VKORC1L1: variants seen among roughly 807,000 people sequenced by gnomAD.
VKORC1L1 encodes vitamin K epoxide reductase complex subunit 1L1.
Under a neutral mutation model 18.9 loss-of-function variants are expected in VKORC1L1, and 2 were observed. That is an observed-to-expected ratio of 0.11 (90% CI 0.04 to 0.33). The LOEUF (loss-of-function observed/expected upper bound fraction) is 0.33, where lower values mean the gene tolerates loss of function less well. Among genes scored for constraint, VKORC1L1 ranks in the 10% least tolerant of loss-of-function variants. The probability of loss-of-function intolerance (pLI) is 1.00; values close to 1 mark genes in which losing one functional copy is unlikely to be tolerated. For missense variants in VKORC1L1, 123 were observed against 224.1 expected, an observed-to-expected ratio of 0.55 and a Z score of 2.88; for synonymous variants, 96 against 100.0, an observed-to-expected ratio of 0.96 and a Z score of 0.24.
At chr7:65,932,646 T>C (rs1426814498) in intron 1 of VKORC1L1, among the ~76,000 whole-genome samples, 1 of 152,214 alleles carries the variant, frequency 6.6e-6, no homozygotes, top group Non-Finnish European at 1.5e-5. Flanking sequence ...TCTGTATGAG[T>C]TCTAGTTTAA....
intron 1 of VKORC1L1, among the ~76,000 whole-genome samples, chr7:65,907,508 A>G (rs1449927794): frequency 1.3e-5 from 2 of 152,192 alleles, no homozygotes; most frequent in African/African-American, 4.8e-5. Context: ...TGGTAGCAAT[A>G]TTTCTGACGG....
At chr7:65,945,471 G>T (rs1790104637) in intron 1 of VKORC1L1, among the ~76,000 whole-genome samples, 1 of 152,068 alleles carries the variant, frequency 6.6e-6, no homozygotes, top group Admixed American at 6.6e-5. Flanking sequence ...AATTAGCTGG[G>T]CATGGTGGTG....
chr7:65,888,039 T>C (rs1789044649), intron 1 of VKORC1L1, among the ~76,000 whole-genome samples: 1 of 152,234 alleles, frequency 6.6e-6, no homozygotes, highest in South Asian at 2.1e-4. Flanking sequence ...TTATTCTTTC[T>C]CGTTGAATCT....
chr7:65,933,227 A>C (rs974848843), intron 1 of VKORC1L1, among the ~76,000 whole-genome samples: 3 of 152,062 alleles, frequency 2.0e-5, no homozygotes, highest in Non-Finnish European at 4.4e-5. Flanking sequence ...AGAGAGAGAG[A>C]GATTGAAGTC....
At chr7:65,893,441 T>A (rs1476496483) in intron 1 of VKORC1L1, among the ~76,000 whole-genome samples, 1 of 152,166 alleles carries the variant, frequency 6.6e-6, no homozygotes, top group Non-Finnish European at 1.5e-5. Context: ...CTTGGGAGGC[T>A]GAGGCAGGAG....
chr7:65,892,500 ATTAATGGAAATTC>A, intron 1 of VKORC1L1, among the ~76,000 whole-genome samples: 1 of 152,188 alleles, frequency 6.6e-6, no homozygotes, highest in African/African-American at 2.4e-5. Flanking sequence ...CATTTCTCTG[ATTAATGGAAATTC>A]TTAATTTTAA....
At chr7:65,947,825 G>A (rs1350065468) in intron 1 of VKORC1L1, among the ~76,000 whole-genome samples, 4 of 151,936 alleles carry the variant, frequency 2.6e-5, no homozygotes, top group Admixed American at 2.0e-4. Flanking sequence ...CAACTAGCTG[G>A]GATTACAGGT....
chr7:65,904,255 G>A (rs1789367762), intron 1 of VKORC1L1, among the ~76,000 whole-genome samples: 1 of 152,088 alleles, frequency 6.6e-6, no homozygotes, highest in Non-Finnish European at 1.5e-5. Flanking sequence ...GTTGCCCAGG[G>A]TGGAGTACAG....
chr7:65,878,775 A>G (rs112277228), intron 1 of VKORC1L1, among the ~76,000 whole-genome samples: 9 of 151,382 alleles, frequency 5.9e-5, no homozygotes, highest in South Asian at 4.2e-4. Context: ...ACATGGTGGC[A>G]CACGCCTGTA....
chr7:65,919,664 C>G (rs144745365), intron 1 of VKORC1L1, among the ~76,000 whole-genome samples: 2 of 152,216 alleles, frequency 1.3e-5, no homozygotes, highest in Non-Finnish European at 2.9e-5. Context: ...CTACCATGCT[C>G]TCTGCTGGGA....
At chr7:65,900,680 C>T (rs1789300534) in intron 1 of VKORC1L1, among the ~76,000 whole-genome samples, 4 of 152,028 alleles carry the variant, frequency 2.6e-5, no homozygotes, top group Admixed American at 2.6e-4. Flanking sequence ...TGGCACATGC[C>T]TGTAGTCCCA....
chr7:65,919,044 C>T (rs1789632793), intron 1 of VKORC1L1, among the ~76,000 whole-genome samples: 2 of 152,092 alleles, frequency 1.3e-5, no homozygotes, highest in African/African-American at 2.4e-5. Flanking sequence ...GCAGTGATCG[C>T]GCCACTGCAC....
At chr7:65,877,575 T>C (rs1354098018) in intron 1 of VKORC1L1, among the ~76,000 whole-genome samples, 2 of 152,210 alleles carry the variant, frequency 1.3e-5, no homozygotes, top group African/African-American at 4.8e-5. Context: ...CTTAAACTCC[T>C]GACCTCAGGT....
At position 65,956,025 on chromosome 7, in the gene VKORC1L1, G is replaced by A. The variant is rs753639964; in HGVS notation, c.*1725G>A. The stretch of plus-strand genomic sequence containing the variant: ...ATGAACTTTTCACCAGTTTCAACCA[G>A]TTTCTTAAAAGAGAGCTTAAGTCAA... On this transcript the variant is annotated 3_prime_UTR_variant, in exon 3 of 3. Transcript: ENST00000360768. 2 of 152,196 alleles carry A rather than the reference G, an allele frequency of 1.3e-5. No individual in the cohort carries two copies. Among genetic ancestry groups the A allele is most frequent in the African/African-American group, 2.4e-5 (1 of 41,450 alleles). 9.4% of individuals were successfully genotyped at this position (152,196 alleles called of 1,614,324 possible). A position where few individuals can be genotyped will look rare whatever the true frequency, so the allele number is the denominator to read the frequency against.
rs1790327593 is a variant in VKORC1L1, at chr7:65,957,973, T to C, written c.*3673T>C. Reference sequence around the variant, plus strand: ...GTACCAAGAGTGACAGGAGATCTTGTCTTGGAAGATCATTATTAGATGCCA... The same window carrying C: ...GTACCAAGAGTGACAGGAGATCTTGCCTTGGAAGATCATTATTAGATGCCA... On this transcript the variant is annotated 3_prime_UTR_variant, in exon 3 of 3. Transcript: ENST00000360768. 1 of 152,242 alleles carries C rather than the reference T, an allele frequency of 6.6e-6. No homozygotes were observed. The highest frequency in any genetic ancestry group is 1.5e-5 in the Non-Finnish European group (1 of 68,034). 9.4% of individuals were successfully genotyped at this position (152,242 alleles called of 1,614,324 possible). A position where few individuals can be genotyped will look rare whatever the true frequency, so the allele number is the denominator to read the frequency against.
intron 1 of VKORC1L1, among the ~76,000 whole-genome samples, chr7:65,887,105 T>C (rs1789028692): frequency 6.6e-6 from 1 of 151,628 alleles, no homozygotes; most frequent in African/African-American, 2.4e-5. Context: ...CACCTCAGCC[T>C]CCCAAAGTGC....
At chr7:65,875,409 C>G (rs1788809845) in intron 1 of VKORC1L1, among the ~76,000 whole-genome samples, 1 of 151,874 alleles carries the variant, frequency 6.6e-6, no homozygotes, top group Non-Finnish European at 1.5e-5. Context: ...TTTTGTCAAG[C>G]TGAAAGACAC....
intron 1 of VKORC1L1, among the ~76,000 whole-genome samples, chr7:65,924,765 T>C (rs1789733358): frequency 6.6e-6 from 1 of 152,218 alleles, no homozygotes; most frequent in Non-Finnish European, 1.5e-5. Flanking sequence ...TTTGCAGATG[T>C]GGTAACAAAT....
At chr7:65,889,465 C>G (rs1456575908) in intron 1 of VKORC1L1, among the ~76,000 whole-genome samples, 2 of 152,230 alleles carry the variant, frequency 1.3e-5, no homozygotes, top group African/African-American at 4.8e-5. Context: ...TCTTCCTCCC[C>G]TCCCCCACCA....
Sources: allele counts gnomAD v4.1 joint callset (sites outside exome capture counted in the v4.1 genomes callset), GRCh38; gene constraint gnomAD v4.1.1; transcripts MANE v1.5; gene names NCBI Gene and HGNC (gene_info 2026-07-23, HGNC 2026-07-21).